The following NOTCH3 variants were observed in gnomAD, a reference collection of about 807,000 sequenced individuals.
NOTCH3 encodes the protein neurogenic locus notch homolog protein 3.
NOTCH3 carries 86 observed loss-of-function variants against 213.3 expected under a neutral mutation model. The observed-to-expected ratio is 0.40, with a 90% CI of 0.34 to 0.48. The LOEUF (loss-of-function observed/expected upper bound fraction) is 0.48, where lower values mean the gene tolerates loss of function less well. NOTCH3 is among the 20% of genes least tolerant of loss of function. NOTCH3 has a pLI of 0.57. For synonymous variants in NOTCH3, 1,354 were observed against 1,355.9 expected (o/e 1.00, Z 0.03); for missense variants, 2,783 against 3,272.6 (o/e 0.85, Z 3.65).
intron 24 of NOTCH3, among the ~76,000 whole-genome samples, chr19:15,176,447 G>GC (rs79782323): frequency 1 from 152,161 of 152,162 alleles, 76,080 homozygotes; most frequent in Middle Eastern, 1. Flanking sequence ...ACAGGCGTGA[G>GC]CACTGTGCCC....
rs1436158678 is a variant in NOTCH3, at chr19:15,187,356, T to C, written c.1607-18A>G. On this transcript the variant is annotated intron_variant, in intron 10 of 32. Coordinates refer to ENST00000263388, the MANE Select transcript of NOTCH3 (RefSeq NM_000435.3). ...CTCAAAGCCTGTGGGGCCAAGAGGG[T>C]CAGGCTCCGCCCACTTGCCAGGGGC... 1 of 1,607,340 alleles carries C rather than the reference T, an allele frequency of 6.2e-7. No homozygotes were observed. Among genetic ancestry groups the C allele is most frequent in the Non-Finnish European group, 8.5e-7 (1 of 1,176,284 alleles).
chr19:15,181,483 C>T, intron 17 of NOTCH3, 93 bp downstream of exon 17: 2 of 1,045,024 alleles, frequency 1.9e-6, no homozygotes, highest in Non-Finnish European at 2.9e-6. Context: ...AAGCTGAGGA[C>T]TCCCCCAAGT....
chr19:15,164,203 A>C (rs1024491880), intron 31 of NOTCH3, among the ~76,000 whole-genome samples: 14 of 148,248 alleles, frequency 9.4e-5, no homozygotes, highest in Non-Finnish European at 1.6e-4. Context: ...ATGGCATGTT[A>C]ATTATATCTC....
At chr19:15,195,317 C>T (rs1568363113) in intron 2 of NOTCH3, among the ~76,000 whole-genome samples, 2 of 152,066 alleles carry the variant, frequency 1.3e-5, no homozygotes. Flanking sequence ...TCCCCAAGCC[C>T]ACCAAGGAGT....
intron 1 of NOTCH3, among the ~76,000 whole-genome samples, chr19:15,198,708 G>A (rs563246063): frequency 1.7e-4 from 26 of 152,156 alleles, no homozygotes; most frequent in South Asian, 2.1e-4. Flanking sequence ...CCGAGATCAC[G>A]CCATTGCACT....
At chr19:15,173,095 CTTCTTCTTCTTTTTT>C (rs1599372567) in intron 25 of NOTCH3, among the ~76,000 whole-genome samples, 1 of 44,430 alleles carries the variant, frequency 2.3e-5, no homozygotes, top group African/African-American at 2.4e-4. Context: ...TCTTCTTCTT[CTTCTTCTTCTTTTTT>C]TTTTTTTTTT....
In NOTCH3 at chr19:15,184,344, T is replaced by G. The variant is rs1259362957; in HGVS notation, c.2517A>C (p.Gly839=). The change falls in exon 16 of 33, where the codon GGA becomes GGC. Residue 839 remains glycine (G), a synonymous_variant. Transcript: ENST00000263388. Reference sequence around the variant, plus strand: ...GATCGCAGGAAGGGCCAGTGTACCCTCCATGGCAGGTGCAGCTGAAACTCC... The same window carrying G: ...GATCGCAGGAAGGGCCAGTGTACCCGCCATGGCAGGTGCAGCTGAAACTCC... ...LAGSFSCTCH[G]GYTGPSCDQD... 1 of 1,613,860 alleles carries G rather than the reference T, an allele frequency of 6.2e-7. No homozygotes were observed. The highest frequency in any genetic ancestry group is 8.5e-7 in the Non-Finnish European group (1 of 1,179,924).
intron 15 of NOTCH3, among the ~76,000 whole-genome samples, chr19:15,184,700 G>A (rs527520654): frequency 2.3e-4 from 35 of 152,308 alleles, no homozygotes; most frequent in African/African-American, 7.5e-4. Flanking sequence ...CTAAGTCCCA[G>A]CATCTCTAGC....
In NOTCH3 at chr19:15,161,982, C is replaced by CTTTT. The variant is rs71168583; in HGVS notation, c.5914-272_5914-269dup. Among the ~76,000 whole-genome samples, 61 of 114,698 alleles carry CTTTT rather than the reference C, an allele frequency of 5.3e-4. 3 individuals are homozygous for CTTTT. The highest frequency in any genetic ancestry group is 9.1e-4 in the Admixed American group (9 of 9,876). The allele number at this position is 114,698 out of a possible 152,430, so 75.2% of individuals were successfully genotyped here. A position where few individuals can be genotyped will look rare whatever the true frequency, so the allele number is the denominator to read the frequency against. ...TTAGGCATAACTTTTTTTTTCTTGT[C>CTTTT]TTTTTTTTTTTTTTTTTTTGACAGA... On this transcript the variant is annotated intron_variant, in intron 32 of 32. Coordinates refer to ENST00000263388, the MANE Select transcript of NOTCH3 (RefSeq NM_000435.3).
chr19:15,190,514 A>C (rs1327625177), intron 6 of NOTCH3, among the ~76,000 whole-genome samples: 1 of 152,138 alleles, frequency 6.6e-6, no homozygotes, highest in Non-Finnish European at 1.5e-5. Flanking sequence ...GCATCAGTGC[A>C]ATGTCAGCCT....
intron 2 of NOTCH3, among the ~76,000 whole-genome samples, chr19:15,195,512 T>G (rs936714358): frequency 6.8e-6 from 1 of 147,678 alleles, no homozygotes; most frequent in African/African-American, 2.5e-5. Context: ...CCCTCCGGCT[T>G]GTCCCAGACG....
rs758457642 is a variant in NOTCH3 at position 15,180,656 on chromosome 19, C to CGCCCGCCCACAT, written c.3142+13_3142+24dup. ...ATGAGCCCCTTCCCAAGGCCCCACA[C>CGCCCGCCCACAT]GCCCGCCCACATGCTCCCACTCACC... On this transcript the variant is annotated intron_variant, in intron 19 of 32. Coordinates refer to ENST00000263388, the MANE Select transcript of NOTCH3 (RefSeq NM_000435.3). 1.9e-6 allele frequency: 3 copies of CGCCCGCCCACAT among 1,544,622 alleles called. No individual in the cohort carries two copies. The South Asian group carries it at 3.6e-5, about 18-fold the overall frequency.
At position 15,165,678 on chromosome 19, in the gene NOTCH3, C is replaced by T. The variant is rs2046679920; in HGVS notation, c.5667+109G>A. ...CAGATACTGTATTCCCATATATCCC[C>T]ATTTTCCAAATGAGAAAAAATGAGT... On this transcript the variant is annotated intron_variant, in intron 30 of 32. Transcript: ENST00000263388. This position sits in a 1 kb window ranked among gnomAD's most constrained non-coding sequence, Gnocchi z 4.7. 1.4e-6 allele frequency: 2 copies of T among 1,410,706 alleles called. No homozygotes were observed. The highest frequency in any genetic ancestry group is 2.8e-5 in the African/African-American group (2 of 70,728). The allele number at this position is 1,410,706 out of a possible 1,614,324, so 87.4% of individuals were successfully genotyped here. A position where few individuals can be genotyped will look rare whatever the true frequency, so the allele number is the denominator to read the frequency against.
At chr19:15,200,122 C>G (rs1488194886) in intron 1 of NOTCH3, among the ~76,000 whole-genome samples, 1 of 150,748 alleles carries the variant, frequency 6.6e-6, no homozygotes, top group Non-Finnish European at 1.5e-5. Context: ...CGAAGGGGAG[C>G]ACGTGGGCCC....
chr19:15,179,474 T>C lies in NOTCH3; in HGVS notation c.3350A>G (p.Asp1117Gly). The C allele has an allele frequency of 6.2e-7, 1 of 1,613,960 alleles. No individual in the cohort carries two copies. The highest frequency in any genetic ancestry group is 8.5e-7 in the Non-Finnish European group (1 of 1,179,996). Residue 1117 changes from aspartate to glycine, a missense_variant, in exon 21 of 33, where the codon GAT becomes GGT. Asp to Gly is a moderately conservative substitution (Grantham distance 94). Transcript: ENST00000263388. ...MCECLPGYNG[D>G]NCEDDVDECA... Reference sequence around the variant, plus strand: ...CTCGTCCACGTCGTCCTCACAGTTATCACCATTGTAGCCAGGAAGACACTT... The same window carrying C: ...CTCGTCCACGTCGTCCTCACAGTTACCACCATTGTAGCCAGGAAGACACTT...
rs1171384715 is a variant in NOTCH3, at chr19:15,188,248, G to A, written c.1479C>T (p.Cys493=). ...TGAGGTCCTCACCCGAGGGGCAGGT[G>A]CAGCTGAAGCCATTGACTCGGTCCT... is the stretch of plus-strand genomic sequence containing the variant. ...VCKDRVNGFS[C]TCPSGFSGST... The change falls in exon 9 of 33, where the codon TGC becomes TGT. Residue 493 remains cysteine, a synonymous_variant. Transcript: ENST00000263388. 1 of 1,598,572 alleles carries A rather than the reference G, an allele frequency of 6.3e-7. No homozygotes were observed.
intron 24 of NOTCH3, among the ~76,000 whole-genome samples, chr19:15,175,878 A>AG (rs1001761544): frequency 6.6e-6 from 1 of 151,442 alleles, no homozygotes; most frequent in Non-Finnish European, 1.5e-5. Context: ...AGAGTGAGTG[A>AG]GGGGAAAGCA....
intron 1 of NOTCH3, among the ~76,000 whole-genome samples, chr19:15,200,412 C>G (rs2047003205): frequency 6.6e-6 from 1 of 151,946 alleles, no homozygotes; most frequent in Admixed American, 6.5e-5. Context: ...GGTCCCCGGC[C>G]TAGAAGTACC....
intron 17 of NOTCH3, 79 bp from the exon 18 acceptor site, chr19:15,181,241 A>AGC (rs1371001336): frequency 1.5e-6 from 2 of 1,318,448 alleles, no homozygotes; most frequent in South Asian, 1.3e-5. Context: ...TCCCGCTGTT[A>AGC]GCGCTGGGGA....
Sources: gnomAD v4.1 joint callset for allele counts (sites outside exome capture counted in the v4.1 genomes callset) on GRCh38, gnomAD v4.1.1 for gene constraint, Gnocchi (gnomAD v3.1) non-coding constraint, MANE v1.5 for transcripts, NCBI Gene and HGNC (gene_info 2026-07-23, HGNC 2026-07-21) for gene names.